The following FHIT variants were observed in gnomAD, a reference collection of about 807,000 sequenced individuals.
FHIT encodes bis(5'-adenosyl)-triphosphatase.
In FHIT, 19 loss-of-function variants were observed where a neutral mutation model predicts 17.9. The ratio of observed to expected loss-of-function variants is 1.06; its 90% CI spans 0.74 to 1.56. FHIT has a LOEUF of 1.56. FHIT is among the 40% of genes most tolerant of loss of function. FHIT has a pLI of 0.00. For missense variants in FHIT, 248 were observed against 189.2 expected, an observed-to-expected ratio of 1.31 and a Z score of -1.82; for synonymous variants, 81 against 69.7, an observed-to-expected ratio of 1.16 and a Z score of -0.81.
At position 61,215,932 on chromosome 3, in the gene FHIT, A is replaced by G. The variant is rs575704031; in HGVS notation, c.-212-15267T>C. Among the ~76,000 whole-genome samples, 183 of 152,206 alleles carry G rather than the reference A, an allele frequency of 1.2e-3. 1 individual carries two copies. The highest frequency in any genetic ancestry group is 2.9e-3 in the African/African-American group (120 of 41,542). ...TTTAATAAATGGTGCTGGGAAAACT[A>G]GCTAGCCATATGTAGAAAGCTGAAA... On this transcript the variant is annotated intron_variant, in intron 1 of 9. Coordinates refer to ENST00000492590, the MANE Select transcript of FHIT (RefSeq NM_002012.4).
chr3:60,278,523 A>C (rs889597787), intron 5 of FHIT, among the ~76,000 whole-genome samples: 17 of 152,098 alleles, frequency 1.1e-4, no homozygotes, highest in Non-Finnish European at 1.6e-4. Flanking sequence ...AGACCTCATC[A>C]CCACGTGAAG....
In FHIT at chr3:59,851,821, C is replaced by T. The variant is rs554581433; in HGVS notation, c.348+70525G>A. ...TTATTTTTAAACTGCAAGATTAAAGCTCCTACAAGCTTCTGACAACATGAA... is the reference window on the plus strand; with the variant it reads ...TTATTTTTAAACTGCAAGATTAAAGTTCCTACAAGCTTCTGACAACATGAA... On this transcript the variant is annotated intron_variant, in intron 8 of 9. Coordinates refer to ENST00000492590, the MANE Select transcript of FHIT (RefSeq NM_002012.4). Among the ~76,000 whole-genome samples, 5 of 152,278 alleles carry T rather than the reference C, an allele frequency of 3.3e-5. No individual in the cohort carries two copies. In the South Asian group the frequency reaches 1.0e-3, roughly 32 times the overall value.
chr3:60,149,474 A>T (rs1700370241), intron 5 of FHIT, among the ~76,000 whole-genome samples: 1 of 152,172 alleles, frequency 6.6e-6, no homozygotes, highest in Admixed American at 6.5e-5. Context: ...GCAAATGAGA[A>T]AACAAGTATA....
intron 5 of FHIT, among the ~76,000 whole-genome samples, chr3:60,258,523 G>T (rs1194732479): frequency 6.6e-6 from 1 of 152,096 alleles, no homozygotes; most frequent in Admixed American, 6.6e-5. Flanking sequence ...CATGATTTTA[G>T]ATGGTGCTTC....
At chr3:60,048,261 C>T (rs1050273645) in intron 5 of FHIT, among the ~76,000 whole-genome samples, 2 of 152,206 alleles carry the variant, frequency 1.3e-5, no homozygotes, top group African/African-American at 4.8e-5. Flanking sequence ...ACTGCACCTT[C>T]TGCCTCCTGG....
intron 7 of FHIT, among the ~76,000 whole-genome samples, chr3:59,990,506 G>A (rs188550637): frequency 1.6e-3 from 247 of 152,144 alleles, no homozygotes; most frequent in African/African-American, 5.5e-3. Context: ...AGGGGAACCC[G>A]CTCTCACCAG....
chr3:60,548,132 AGAGAGAGAGAGC>A (rs139619488), intron 4 of FHIT, among the ~76,000 whole-genome samples: 82,173 of 125,192 alleles, frequency 0.66, 22,586 homozygotes, highest in East Asian at 0.75. Flanking sequence ...AAGGAGCACG[AGAGAGAGAGAGC>A]GAGAGAGAGA....
chr3:60,153,650 G>T (rs1316061722), intron 5 of FHIT, among the ~76,000 whole-genome samples: 2 of 152,144 alleles, frequency 1.3e-5, no homozygotes, highest in East Asian at 3.9e-4. Context: ...ACGTCCAAAA[G>T]TAGCCTAAGG....
At chr3:61,200,951 T>C (rs1327524155) in intron 1 of FHIT, among the ~76,000 whole-genome samples, 1 of 152,108 alleles carries the variant, frequency 6.6e-6, no homozygotes, top group African/African-American at 2.4e-5. Context: ...TGGGAACGGC[T>C]TATAGCGAGA....
chr3:59,785,880 T>A (rs1699260596), intron 8 of FHIT, among the ~76,000 whole-genome samples: 1 of 152,150 alleles, frequency 6.6e-6, no homozygotes, highest in Admixed American at 6.6e-5. Flanking sequence ...TGGAGTTTGA[T>A]GCAGATGTCA....
intron 5 of FHIT, among the ~76,000 whole-genome samples, chr3:60,242,793 C>G (rs1469637585): frequency 6.6e-6 from 1 of 152,012 alleles, no homozygotes; most frequent in Non-Finnish European, 1.5e-5. Flanking sequence ...TTAGACAGCA[C>G]TGCTTTCAGT....
chr3:60,151,738 C>T (rs1045173018), intron 5 of FHIT, among the ~76,000 whole-genome samples: 1 of 152,152 alleles, frequency 6.6e-6, no homozygotes, highest in African/African-American at 2.4e-5. Context: ...CAATTGTTTT[C>T]CTCTTAATAC....
intron 2 of FHIT, among the ~76,000 whole-genome samples, chr3:61,075,228 G>A (rs2034935863): frequency 6.6e-6 from 1 of 152,054 alleles, no homozygotes; most frequent in Non-Finnish European, 1.5e-5. Flanking sequence ...ACCTTGTGTC[G>A]CATCTGGAGC....
chr3:59,756,860 A>G (rs1315210230), intron 8 of FHIT, among the ~76,000 whole-genome samples: 1 of 152,182 alleles, frequency 6.6e-6, no homozygotes, highest in Non-Finnish European at 1.5e-5. Context: ...TTAATTCCTT[A>G]GTTCACCAGT....
At chr3:60,535,040 A>G (rs1226963642) in intron 5 of FHIT, among the ~76,000 whole-genome samples, 2 of 152,226 alleles carry the variant, frequency 1.3e-5, no homozygotes, top group Non-Finnish European at 2.9e-5. Context: ...AGTGGCCAAC[A>G]TGGCAAAACC....
At chr3:59,999,183 G>C (rs1699631986) in intron 7 of FHIT, among the ~76,000 whole-genome samples, 1 of 152,136 alleles carries the variant, frequency 6.6e-6, no homozygotes, top group Non-Finnish European at 1.5e-5. Context: ...CTCCCTGGGA[G>C]AGAGAGCCCT....
At chr3:60,182,149 T>C (rs1453695910) in intron 5 of FHIT, among the ~76,000 whole-genome samples, 2 of 152,196 alleles carry the variant, frequency 1.3e-5, no homozygotes, top group African/African-American at 2.4e-5. Flanking sequence ...GTCTTTATGC[T>C]AATGAGCAAT....
At chr3:60,338,243 C>T (rs1204904586) in intron 5 of FHIT, among the ~76,000 whole-genome samples, 5 of 152,132 alleles carry the variant, frequency 3.3e-5, no homozygotes, top group Admixed American at 6.5e-5. Context: ...GCTACTAGCC[C>T]GAAGACCTGT....
chr3:59,779,746 C>G (rs1321371185), intron 8 of FHIT, among the ~76,000 whole-genome samples: 2 of 152,246 alleles, frequency 1.3e-5, no homozygotes, highest in East Asian at 3.9e-4. Context: ...CCTCTTTTTC[C>G]TTCACCTCCA....
Sources: allele counts gnomAD v4.1 joint callset (sites outside exome capture counted in the v4.1 genomes callset), GRCh38; gene constraint gnomAD v4.1.1; transcripts MANE v1.5; gene names NCBI Gene and HGNC (gene_info 2026-07-23, HGNC 2026-07-21).